The following SMARCC1 variants were observed in gnomAD, a reference collection of about 807,000 sequenced individuals.
SMARCC1 encodes SWI/SNF related BAF chromatin remodeling complex subunit C1.
In SMARCC1, 43 loss-of-function variants were observed where a neutral mutation model predicts 147.4. The observed-to-expected ratio is 0.29, with a 90% CI of 0.23 to 0.38. The LOEUF (loss-of-function observed/expected upper bound fraction) is 0.38, where lower values mean the gene tolerates loss of function less well. SMARCC1 is among the 10% of genes least tolerant of loss of function. The pLI is 1.00. For missense variants in SMARCC1, 1,119 were observed against 1,381.1 expected (o/e 0.81, Z 3.01); for synonymous variants, 495 against 484.4 (o/e 1.02, Z -0.29).
At chr3:47,763,538 G>T (rs570010796) in intron 2 of SMARCC1, among the ~76,000 whole-genome samples, 1 of 151,718 alleles carries the variant, frequency 6.6e-6, no homozygotes, top group African/African-American at 2.4e-5. Context: ...CAAGATTGTT[G>T]CTCAGGCTAG....
intron 26 of SMARCC1, among the ~76,000 whole-genome samples, chr3:47,609,128 A>T (rs766626867): frequency 2.4e-4 from 36 of 152,128 alleles, no homozygotes; most frequent in Non-Finnish European, 4.9e-4. Context: ...CAAACTAAGC[A>T]CTCAAAAGAT....
chr3:47,740,502 G>A (rs149552324), intron 3 of SMARCC1, among the ~76,000 whole-genome samples: 339 of 151,140 alleles, frequency 2.2e-3, no homozygotes, highest in African/African-American at 7.9e-3. Flanking sequence ...GCCCACACCC[G>A]GCTAATTTTT....
In SMARCC1 at chr3:47,590,666, C is replaced by A; in HGVS notation, c.3215G>T (p.Gly1072Val). 6.5e-7 allele frequency: 1 copy of A among 1,531,358 alleles called. No homozygotes were observed. Among genetic ancestry groups the A allele is most frequent in the South Asian group, 1.3e-5 (1 of 77,830 alleles). 94.9% of individuals were successfully genotyped at this position (1,531,358 alleles called of 1,614,324 possible). ...GPRVPLTAPN[G>V]MYPPPPQQQP... ...CCCCCCTCCATGTTACTTACACATGCCGTTAGGTGCTGTCAGGGGTACCCG... is the reference window on the plus strand; with the variant it reads ...CCCCCCTCCATGTTACTTACACATGACGTTAGGTGCTGTCAGGGGTACCCG... Residue 1072 changes from glycine (G) to valine (V), a missense_variant, in exon 27 of 28, where the codon GGC becomes GTC. By Grantham distance (109) the Gly-to-Val change is moderately radical. Around this residue, in one of 6 missense-constraint regions of SMARCC1, gnomAD observed 186 missense variants for 216.5 expected, o/e 0.86. Transcript: ENST00000254480.
At chr3:47,641,714 T>A (rs999272664) in intron 21 of SMARCC1, among the ~76,000 whole-genome samples, 2 of 152,200 alleles carry the variant, frequency 1.3e-5, no homozygotes, top group African/African-American at 4.8e-5. Context: ...TTGAATGTTA[T>A]CTTAAACAAG....
In SMARCC1 at chr3:47,645,984, G is replaced by A. The variant is rs933085258; in HGVS notation, c.2321-7204C>T. ...TTTTAAGATGGGGTCCCGCTATGTT[G>A]CTCAGACCTGGCTCGGACTTTTAAG... On this transcript the variant is annotated intron_variant, in intron 21 of 27. Transcript: ENST00000254480. Among the ~76,000 whole-genome samples, 10 of 152,092 alleles carry A rather than the reference G, an allele frequency of 6.6e-5. No homozygotes were observed. The East Asian group carries it at 1.7e-3, about 26-fold the overall frequency.
At chr3:47,599,264 T>A (rs1045861912) in intron 26 of SMARCC1, among the ~76,000 whole-genome samples, 1 of 152,008 alleles carries the variant, frequency 6.6e-6, no homozygotes. Flanking sequence ...ATGCCTGTAA[T>A]ACCAGCTACT....
chr3:47,594,788 C>A lies in SMARCC1; in HGVS notation c.3044-3951G>T, dbSNP rs376656324. Among the ~76,000 whole-genome samples the A allele has an allele frequency of 1.7e-3, 259 of 152,246 alleles. 4 individuals are homozygous for A. In the South Asian group the frequency reaches 0.046, roughly 27 times the overall value. On this transcript the variant is annotated intron_variant, in intron 26 of 27. Coordinates refer to ENST00000254480, the MANE Select transcript of SMARCC1 (RefSeq NM_003074.4). ...CCCAAGGACTCAGGCATCCTTGTGG[C>A]GGGACTGTGAGGCCACATGCTTGTA...
At position 47,589,562 on chromosome 3, in the gene SMARCC1, C is replaced by T. The variant is rs1003904246; in HGVS notation, c.3220+1099G>A. 5.3e-5 allele frequency among the ~76,000 whole-genome samples: 8 copies of T among 152,292 alleles called. No individual in the cohort carries two copies. In the South Asian group the frequency reaches 6.2e-4, roughly 12 times the overall value. ...ACCTACTGTACTACACAACCACTGA[C>T]CACTAGCTTAAGGGAGATAATTTTA... is the stretch of plus-strand genomic sequence containing the variant. On this transcript the variant is annotated intron_variant, in intron 27 of 27. Transcript: ENST00000254480.
chr3:47,762,375 T>C (rs1169397167), intron 2 of SMARCC1, among the ~76,000 whole-genome samples: 1 of 152,214 alleles, frequency 6.6e-6, no homozygotes, highest in Non-Finnish European at 1.5e-5. Context: ...ACTCCCACCC[T>C]TTCCATTACA....
At chr3:47,620,819 T>G (rs1316484427) in intron 25 of SMARCC1, among the ~76,000 whole-genome samples, 2 of 152,138 alleles carry the variant, frequency 1.3e-5, no homozygotes, top group Non-Finnish European at 2.9e-5. Flanking sequence ...GAGATTAAGT[T>G]CTCCTTTCTA....
chr3:47,745,311 A>G (rs941524712), intron 3 of SMARCC1, among the ~76,000 whole-genome samples: 1 of 152,174 alleles, frequency 6.6e-6, no homozygotes, highest in Non-Finnish European at 1.5e-5. Context: ...AATATAATGT[A>G]TGAGTTCATT....
chr3:47,654,752 C>T (rs891873120), intron 21 of SMARCC1, among the ~76,000 whole-genome samples: 3 of 152,192 alleles, frequency 2.0e-5, no homozygotes, highest in Admixed American at 1.3e-4. Flanking sequence ...TAACAACCCA[C>T]TCTGAGGCGA....
intron 11 of SMARCC1, 118 bp from the exon 12 acceptor site, chr3:47,693,418 T>C (rs2033813701): frequency 3.2e-6 from 2 of 634,040 alleles, no homozygotes; most frequent in Non-Finnish European, 5.6e-6. Flanking sequence ...GCAACACCAT[T>C]CAATACACTT....
intron 19 of SMARCC1, 129 bp from the exon 20 acceptor site, chr3:47,662,721 T>C (rs1488121735): frequency 7.9e-6 from 6 of 758,648 alleles, no homozygotes; most frequent in African/African-American, 1.8e-5. Context: ...AAAGATTTGA[T>C]GGTTTCCTTA....
At chr3:47,614,875 G>C (rs1017952734) in intron 25 of SMARCC1, among the ~76,000 whole-genome samples, 8 of 152,206 alleles carry the variant, frequency 5.3e-5, no homozygotes, top group Non-Finnish European at 1.0e-4. Context: ...CTGCTTTCAA[G>C]AATTTCTGTG....
intron 2 of SMARCC1, among the ~76,000 whole-genome samples, chr3:47,748,946 G>C (rs904629970): frequency 6.6e-6 from 1 of 152,142 alleles, no homozygotes; most frequent in African/African-American, 2.4e-5. Context: ...GAGGCAGGAG[G>C]ATCACTTGGG....
chr3:47,780,173 T>G (rs1028811896), intron 1 of SMARCC1, among the ~76,000 whole-genome samples: 11 of 135,304 alleles, frequency 8.1e-5, no homozygotes, highest in Middle Eastern at 7.4e-3. Flanking sequence ...TTTTTGTTTT[T>G]TTTTTTTTTT....
rs1338341288 is a variant in SMARCC1, at chr3:47,588,050, G to T, written c.*159C>A. ...AGGACCCAACACAAAAAGTGTCAGA[G>T]AGAGGGGTGGTAAGAGGAGTGGGGA... On this transcript the variant is annotated 3_prime_UTR_variant, in exon 28 of 28. Coordinates refer to ENST00000254480, the MANE Select transcript of SMARCC1 (RefSeq NM_003074.4). 3.3e-6 allele frequency: 2 copies of T among 607,088 alleles called. No homozygotes were observed. The highest frequency in any genetic ancestry group is 6.1e-5 in the Admixed American group (2 of 32,954). The allele number at this position is 607,088 out of a possible 1,614,324, so 37.6% of individuals were successfully genotyped here.
At chr3:47,610,587 C>T (rs2032551020) in intron 25 of SMARCC1, 1 of 501,504 alleles carries the variant, frequency 2.0e-6, no homozygotes, top group African/African-American at 1.9e-5. Flanking sequence ...CGCAGTAGGG[C>T]TACTGCTCTT....
Sources: allele counts gnomAD v4.1 joint callset (sites outside exome capture counted in the v4.1 genomes callset), GRCh38; gene constraint gnomAD v4.1.1; regional missense constraint gnomAD v4.1.1; transcripts MANE v1.5; gene names NCBI Gene and HGNC (gene_info 2026-07-23, HGNC 2026-07-21).